RBFOX1: variants seen among roughly 807,000 people sequenced by gnomAD.
RBFOX1 encodes RNA binding protein fox-1 homolog 1.
In RBFOX1, 8 loss-of-function variants were observed where a neutral mutation model predicts 57.7. The observed-to-expected ratio is 0.14, with a 90% confidence interval of 0.08 to 0.25. RBFOX1 has a LOEUF of 0.25. Among genes scored for constraint, RBFOX1 ranks in the 10% least tolerant of loss-of-function variants. The pLI is 1.00. For missense variants in RBFOX1, 611 were observed against 548.5 expected, an observed-to-expected ratio of 1.11 and a Z score of -1.14; for synonymous variants, 326 against 222.4, an observed-to-expected ratio of 1.47 and a Z score of -4.15.
chr16:5,975,031 A>G (rs893057614), intron 4 of RBFOX1, among the ~76,000 whole-genome samples: 4 of 152,206 alleles, frequency 2.6e-5, no homozygotes, highest in Admixed American at 2.6e-4. Context: ...ATAAATAAAA[A>G]TAACAAAAGT....
At chr16:7,689,028 C>G (rs1276628041) in intron 14 of RBFOX1, among the ~76,000 whole-genome samples, 1 of 152,088 alleles carries the variant, frequency 6.6e-6, no homozygotes, top group Non-Finnish European at 1.5e-5. Context: ...TACCACTTAA[C>G]AGCTGCTCGC....
chr16:7,456,728 G>T (rs34658804), intron 4 of RBFOX1, among the ~76,000 whole-genome samples: 2 of 151,990 alleles, frequency 1.3e-5, no homozygotes, highest in African/African-American at 2.4e-5. Flanking sequence ...CCGTAGAATC[G>T]CCACCTATGG....
intron 1 of RBFOX1, among the ~76,000 whole-genome samples, chr16:6,300,209 A>G (rs764401406): frequency 1.3e-5 from 2 of 152,216 alleles, no homozygotes; most frequent in Non-Finnish European, 2.9e-5. Context: ...AAATGGGGAG[A>G]TGATCAAAGG....
At chr16:6,667,125 G>A (rs1265840320) in intron 3 of RBFOX1, among the ~76,000 whole-genome samples, 1 of 152,038 alleles carries the variant, frequency 6.6e-6, no homozygotes, top group African/African-American at 2.4e-5. Flanking sequence ...TGGGGGAGAG[G>A]GAGGCAGGTA....
chr16:7,052,909 G>A (rs1019055925), intron 4 of RBFOX1, among the ~76,000 whole-genome samples: 1 of 152,142 alleles, frequency 6.6e-6, no homozygotes, highest in African/African-American at 2.4e-5. Context: ...GTTTTTACTG[G>A]ACAATGTGCC....
At chr16:6,103,735 A>G (rs945244141) in intron 1 of RBFOX1, among the ~76,000 whole-genome samples, 1 of 152,082 alleles carries the variant, frequency 6.6e-6, no homozygotes, top group African/African-American at 2.4e-5. Flanking sequence ...CCTCACTTCC[A>G]CCTGCATGCC....
At chr16:5,790,839 G>C (rs2054666936) in intron 3 of RBFOX1, among the ~76,000 whole-genome samples, 1 of 151,598 alleles carries the variant, frequency 6.6e-6, no homozygotes, top group African/African-American at 2.4e-5. Context: ...CCGTTTTGGG[G>C]ATGTAGATGG....
At chr16:5,455,129 A>G (rs989117348) in intron 1 of RBFOX1, among the ~76,000 whole-genome samples, 2 of 150,844 alleles carry the variant, frequency 1.3e-5, no homozygotes, top group Admixed American at 1.3e-4. Flanking sequence ...CTTGACTGAT[A>G]TAACAGGCCA....
intron 3 of RBFOX1, among the ~76,000 whole-genome samples, chr16:6,654,966 G>T (rs2098636354): frequency 6.7e-6 from 1 of 149,168 alleles, no homozygotes; most frequent in Non-Finnish European, 1.5e-5. Flanking sequence ...TATTGATGTT[G>T]ACGTTCATTG....
At chr16:5,698,992 T>C (rs1256721405) in intron 3 of RBFOX1, among the ~76,000 whole-genome samples, 1 of 149,730 alleles carries the variant, frequency 6.7e-6, no homozygotes, top group East Asian at 2.0e-4. Flanking sequence ...GATTTTTTTT[T>C]TTTTTTTTTT....
Position 7,456,150 on chromosome 16 carries a change from A to G in RBFOX1, c.28-61997A>G, listed in dbSNP as rs552654627. On this transcript the variant is annotated intron_variant, in intron 4 of 15. Coordinates refer to ENST00000550418, the MANE Select transcript of RBFOX1 (RefSeq NM_018723.4). ...ACTGCCCCCAGAAATTATGTGGCCAATCCTGATTAAGGGGCAGGGCAGGGC... is the reference window on the plus strand; with the variant it reads ...ACTGCCCCCAGAAATTATGTGGCCAGTCCTGATTAAGGGGCAGGGCAGGGC... 4.6e-5 allele frequency among the ~76,000 whole-genome samples: 7 copies of G among 152,246 alleles called. No homozygotes were observed. In the East Asian group the frequency reaches 5.8e-4, roughly 13 times the overall value.
chr16:7,010,230 CACAG>C (rs1036072777), intron 3 of RBFOX1, among the ~76,000 whole-genome samples: 1 of 152,226 alleles, frequency 6.6e-6, no homozygotes, highest in Admixed American at 6.5e-5. Flanking sequence ...AGCTCAAATA[CACAG>C]ACAACCTAGA....
chr16:7,453,562 G>T (rs940003074), intron 4 of RBFOX1, among the ~76,000 whole-genome samples: 5 of 152,152 alleles, frequency 3.3e-5, no homozygotes, highest in Admixed American at 3.3e-4. Context: ...CAGTAAGCCA[G>T]GAGCTCTGAG....
chr16:6,017,444 G>A (rs2095001883), upstream of RBFOX1, among the ~76,000 whole-genome samples: 1 of 152,102 alleles, frequency 6.6e-6, no homozygotes, highest in Admixed American at 6.5e-5. Flanking sequence ...GTTTCTGGGG[G>A]AAATGATTAT....
At chr16:5,816,613 G>A (rs1034900474) in intron 3 of RBFOX1, among the ~76,000 whole-genome samples, 7 of 152,128 alleles carry the variant, frequency 4.6e-5, no homozygotes, top group Non-Finnish European at 7.4e-5. Flanking sequence ...GTTAAACTTC[G>A]TTTCTATAAA....
Position 5,454,907 on chromosome 16 carries a change from T to G in RBFOX1, c.220-12309T>G, listed in dbSNP as rs1485711200. On this transcript the variant is annotated intron_variant, in intron 1 of 2. Transcript: ENST00000585867. Reference sequence around the variant, plus strand: ...CTTTCTTTCTTTCTTTCTTTCTTTCTTTCTTTCCTTTGTTTCTTTCTTCCT... The same window carrying G: ...CTTTCTTTCTTTCTTTCTTTCTTTCGTTCTTTCCTTTGTTTCTTTCTTCCT... 1.5e-3 allele frequency among the ~76,000 whole-genome samples: 161 copies of G among 107,196 alleles called. 4 individuals carry two copies. Among genetic ancestry groups the G allele is most frequent in the Non-Finnish European group, 2.4e-3 (116 of 47,882 alleles). 70.3% of individuals were successfully genotyped at this position (107,196 alleles called of 152,430 possible). A position where few individuals can be genotyped will look rare whatever the true frequency, so the allele number is the denominator to read the frequency against.
chr16:7,344,897 G>A (rs1235161798), intron 4 of RBFOX1, among the ~76,000 whole-genome samples: 1 of 152,190 alleles, frequency 6.6e-6, no homozygotes, highest in Non-Finnish European at 1.5e-5. Flanking sequence ...CTGAGCAGAA[G>A]GCTAATGCGA....
intron 1 of RBFOX1, among the ~76,000 whole-genome samples, chr16:5,415,986 C>T (rs1000837941): frequency 9.2e-5 from 14 of 152,088 alleles, no homozygotes; most frequent in Non-Finnish European, 1.3e-4. Context: ...AGAGCTGTAA[C>T]GCAGTGATAG....
intron 2 of RBFOX1, among the ~76,000 whole-genome samples, chr16:6,598,973 C>T (rs1318822971): frequency 6.6e-6 from 1 of 151,872 alleles, no homozygotes; most frequent in Non-Finnish European, 1.5e-5. Flanking sequence ...AAACAAACTC[C>T]TCTGTTTCCC....
Sources: gnomAD v4.1 joint callset for allele counts (sites outside exome capture counted in the v4.1 genomes callset) on GRCh38, gnomAD v4.1.1 for gene constraint, MANE v1.5 for transcripts, NCBI Gene and HGNC (gene_info 2026-07-23, HGNC 2026-07-21) for gene names.